The following ABTB3 variants were observed in gnomAD, a reference collection of about 807,000 sequenced individuals.
ABTB3 encodes the protein ankyrin repeat and BTB domain containing 3, also known as ankyrin repeat- and BTB/POZ domain-containing protein 3.
At chr12:107,620,226 C>A in the ABTB3 span, 17 of 1,578,086 alleles carry the variant, frequency 1.1e-5, no homozygotes, top group Admixed American at 3.0e-4. Context: ...GTTCCCAGAT[C>A]TGAACGGTCT....
At chr12:107,593,859 A>G in the ABTB3 span, among the ~76,000 whole-genome samples, 1 of 152,036 alleles carries the variant, frequency 6.6e-6, no homozygotes, top group East Asian at 1.9e-4. Flanking sequence ...AAGAGAGAAA[A>G]TAGAAGGGCA....
chr12:107,343,780 C>A, the ABTB3 span, among the ~76,000 whole-genome samples: 6 of 152,234 alleles, frequency 3.9e-5, no homozygotes, highest in African/African-American at 1.4e-4. Context: ...AAGCAGGCAC[C>A]GTCTTCACAG....
At chr12:107,475,892 G>A in the ABTB3 span, among the ~76,000 whole-genome samples, 4 of 151,996 alleles carry the variant, frequency 2.6e-5, no homozygotes, top group East Asian at 1.9e-4. Context: ...GTTGAACAGC[G>A]CTTCAGGATG....
At chr12:107,552,074 T>C in the ABTB3 span, among the ~76,000 whole-genome samples, 1 of 152,126 alleles carries the variant, frequency 6.6e-6, no homozygotes, top group African/African-American at 2.4e-5. Flanking sequence ...TTCAGAAAAA[T>C]CAGTGAGAAT....
the ABTB3 span, among the ~76,000 whole-genome samples, chr12:107,636,710 T>C: frequency 2.0e-5 from 3 of 152,176 alleles, no homozygotes; most frequent in African/African-American, 4.8e-5. Context: ...ACTTCTCCCT[T>C]ATAGAAAACA....
At chr12:107,456,717 A>C in the ABTB3 span, among the ~76,000 whole-genome samples, 2 of 152,208 alleles carry the variant, frequency 1.3e-5, no homozygotes, top group South Asian at 4.1e-4. Flanking sequence ...TCATGAAACC[A>C]GTCCCTGGTA....
the ABTB3 span, among the ~76,000 whole-genome samples, chr12:107,656,880 C>A: frequency 2.0e-5 from 3 of 151,984 alleles, no homozygotes; most frequent in Non-Finnish European, 4.4e-5. Flanking sequence ...GAAAAGATTT[C>A]TAAGCCAGGT....
At chr12:107,502,359 C>T in the ABTB3 span, among the ~76,000 whole-genome samples, 1 of 152,024 alleles carries the variant, frequency 6.6e-6, no homozygotes, top group East Asian at 1.9e-4. Flanking sequence ...TGTGAGCCAC[C>T]GTGCCCAGCC....
At chr12:107,386,978 CTTTT>C in the ABTB3 span, among the ~76,000 whole-genome samples, 44 of 133,992 alleles carry the variant, frequency 3.3e-4, no homozygotes, top group African/African-American at 9.3e-4. Context: ...CAGCTACATT[CTTTT>C]TTTTTTTTTT....
At chr12:107,551,352 T>C in the ABTB3 span, among the ~76,000 whole-genome samples, 1 of 152,298 alleles carries the variant, frequency 6.6e-6, no homozygotes, top group Admixed American at 6.5e-5. Context: ...AAAAAATACA[T>C]GTTGAATTCT....
At chr12:107,486,697 C>G in the ABTB3 span, 1 of 145,458 alleles carries the variant, frequency 6.9e-6, no homozygotes, top group Non-Finnish European at 1.5e-5. Flanking sequence ...CAAAGCTAAC[C>G]ACATCCTCCT....
At chr12:107,581,170 G>A in the ABTB3 span, 8 of 1,542,232 alleles carry the variant, frequency 5.2e-6, no homozygotes, top group South Asian at 9.5e-5. Context: ...TCGTGCTGCC[G>A]CCGCTGATGG....
the ABTB3 span, among the ~76,000 whole-genome samples, chr12:107,491,520 A>C: frequency 6.6e-6 from 1 of 152,134 alleles, no homozygotes; most frequent in Non-Finnish European, 1.5e-5. Context: ...GGACGGGTTA[A>C]CAACCATGAG....
At chr12:107,558,589 T>C in the ABTB3 span, among the ~76,000 whole-genome samples, 1 of 152,150 alleles carries the variant, frequency 6.6e-6, no homozygotes, top group African/African-American at 2.4e-5. Context: ...TCCAAATGCC[T>C]CTGCTCATCC....
At chr12:107,607,649 G>A in the ABTB3 span, among the ~76,000 whole-genome samples, 2 of 152,140 alleles carry the variant, frequency 1.3e-5, no homozygotes, top group African/African-American at 4.8e-5. Context: ...GCAACACCAG[G>A]CTTCTGGCTC....
chr12:107,488,240 G>T, the ABTB3 span, among the ~76,000 whole-genome samples: 1 of 152,186 alleles, frequency 6.6e-6, no homozygotes, highest in Admixed American at 6.5e-5. Flanking sequence ...AAATCTCTTC[G>T]TGCCTGGTGG....
chr12:107,468,290 T>A, the ABTB3 span, among the ~76,000 whole-genome samples: 1 of 152,152 alleles, frequency 6.6e-6, no homozygotes, highest in East Asian at 1.9e-4. Flanking sequence ...ATTTTTCACT[T>A]CTGTGGGCCT....
the ABTB3 span, among the ~76,000 whole-genome samples, chr12:107,534,175 G>A: frequency 0.01 from 1,531 of 149,594 alleles, 24 homozygotes; most frequent in East Asian, 0.043. Flanking sequence ...TAGCCACTTC[G>A]TTCCAGCCTG....
chr12:107,639,125 AG>A, the ABTB3 span, among the ~76,000 whole-genome samples: 1 of 152,210 alleles, frequency 6.6e-6, no homozygotes, highest in South Asian at 2.1e-4. Context: ...AGGGGCTGGA[AG>A]GGTGCTTTAG....
Sources: gnomAD v4.1 joint callset for allele counts (sites outside exome capture counted in the v4.1 genomes callset) on GRCh38, gnomAD v4.1.1 for gene constraint, MANE v1.5 for transcripts, NCBI Gene and HGNC (gene_info 2026-07-23, HGNC 2026-07-21) for gene names.